NEGR1: variants seen among roughly 807,000 people sequenced by gnomAD.
The protein encoded by NEGR1 is neuronal growth regulator 1.
A neutral mutation model predicts 40.9 loss-of-function variants in NEGR1; 10 were observed. That is an observed-to-expected ratio of 0.24 (90% CI 0.15 to 0.42). The LOEUF (loss-of-function observed/expected upper bound fraction) is 0.42. Ranked by LOEUF, NEGR1 falls within the 10% of genes least tolerant of loss-of-function variation. The probability of loss-of-function intolerance (pLI) is 1.00; values close to 1 mark genes in which losing one functional copy is unlikely to be tolerated. For synonymous variants in NEGR1, 185 were observed against 166.8 expected, an observed-to-expected ratio of 1.11 and a Z score of -0.84; for missense variants, 352 against 438.9, an observed-to-expected ratio of 0.80 and a Z score of 1.77.
chr1:71,896,956 A>C (rs1351906549), intron 2 of NEGR1, among the ~76,000 whole-genome samples: 5 of 152,144 alleles, frequency 3.3e-5, no homozygotes, highest in African/African-American at 9.7e-5. Flanking sequence ...CTGGCTAAAG[A>C]TGACAATGTA....
rs144500509 is a variant in NEGR1 at position 71,755,381 on chromosome 1, C to A, written c.535+20791G>T. ...TCTCTGCAACTCGTTCTCTACATAG[C>A]ACTAAAAACATCTTCTAAAAATTAA... On this transcript the variant is annotated intron_variant, in intron 3 of 6. Transcript: ENST00000357731. Among the ~76,000 whole-genome samples the A allele has an allele frequency of 1.8e-3, 278 of 152,282 alleles. 2 individuals are homozygous for A. The highest frequency in any genetic ancestry group is 6.5e-3 in the African/African-American group (269 of 41,556).
intron 6 of NEGR1, among the ~76,000 whole-genome samples, chr1:71,519,652 C>T (rs1647139771): frequency 1.6e-5 from 2 of 127,422 alleles, no homozygotes; most frequent in Non-Finnish European, 3.2e-5. Context: ...GTGGGTGCAG[C>T]GCACCAGCAT....
intron 1 of NEGR1, among the ~76,000 whole-genome samples, chr1:72,227,292 G>T (rs1180418870): frequency 6.6e-6 from 1 of 151,834 alleles, no homozygotes; most frequent in Non-Finnish European, 1.5e-5. Flanking sequence ...GTAGGGAAAG[G>T]AGTTTAAAAT....
chr1:71,837,423 G>A (rs939892298), intron 2 of NEGR1, among the ~76,000 whole-genome samples: 5 of 152,066 alleles, frequency 3.3e-5, no homozygotes, highest in African/African-American at 1.2e-4. Context: ...TGCTTTTAGT[G>A]TGAAAATAAC....
intron 2 of NEGR1, among the ~76,000 whole-genome samples, chr1:71,847,352 A>G (rs533457106): frequency 6.6e-6 from 1 of 152,160 alleles, no homozygotes; most frequent in Non-Finnish European, 1.5e-5. Context: ...CAGATAATGC[A>G]TTTGTTACAA....
At chr1:71,958,011 T>A (rs1341962104) in intron 1 of NEGR1, among the ~76,000 whole-genome samples, 3 of 152,178 alleles carry the variant, frequency 2.0e-5, no homozygotes, top group Non-Finnish European at 4.4e-5. Flanking sequence ...ACCTCCACCA[T>A]CCTTTAATGT....
chr1:71,558,868 C>T (rs1247194034), intron 6 of NEGR1, among the ~76,000 whole-genome samples: 4 of 150,512 alleles, frequency 2.7e-5, no homozygotes, highest in South Asian at 2.1e-4. Flanking sequence ...GTAATAGAGA[C>T]CAAGTTCTGG....
chr1:71,857,562 G>C (rs893437149), intron 2 of NEGR1, among the ~76,000 whole-genome samples: 5 of 142,352 alleles, frequency 3.5e-5, no homozygotes, highest in Non-Finnish European at 6.0e-5. Flanking sequence ...CAGGAAGTCA[G>C]GTTGCAGTGA....
intron 2 of NEGR1, among the ~76,000 whole-genome samples, chr1:71,841,393 G>A (rs1659232350): frequency 1.3e-5 from 2 of 151,980 alleles, no homozygotes; most frequent in Non-Finnish European, 2.9e-5. Context: ...AATTAAATTC[G>A]ATTTACTAGT....
chr1:71,585,688 CTTT>C (rs563536438), intron 6 of NEGR1, among the ~76,000 whole-genome samples: 7 of 112,588 alleles, frequency 6.2e-5, no homozygotes, highest in Non-Finnish European at 5.5e-5. Flanking sequence ...ACCTCTCCAT[CTTT>C]TTTTTTTTTT....
intron 1 of NEGR1, among the ~76,000 whole-genome samples, chr1:72,134,174 T>C (rs559729673): frequency 1.7e-4 from 26 of 151,992 alleles, no homozygotes; most frequent in African/African-American, 6.0e-4. Flanking sequence ...TCAGTGTCAA[T>C]GATGATGATT....
chr1:71,928,003 AAAAT>A (rs1338435575), intron 2 of NEGR1, among the ~76,000 whole-genome samples: 24 of 128,384 alleles, frequency 1.9e-4, no homozygotes, highest in South Asian at 1.4e-3. Context: ...GTCTCAGGAA[AAAAT>A]AAATAAATAA....
chr1:72,158,898 G>C (rs779847580), intron 1 of NEGR1, among the ~76,000 whole-genome samples: 2 of 152,048 alleles, frequency 1.3e-5, no homozygotes, highest in African/African-American at 4.8e-5. Flanking sequence ...TTAACATTTT[G>C]TAAGAAGAAT....
intron 4 of NEGR1, among the ~76,000 whole-genome samples, chr1:71,675,142 A>ATATATATATAT (rs1652582384): frequency 2.7e-4 from 2 of 7,322 alleles, no homozygotes; most frequent in African/African-American, 4.5e-4. Flanking sequence ...CACACATATG[A>ATATATATATAT]ATTCTTAGAA....
At chr1:71,496,436 G>A (rs558861022) in intron 6 of NEGR1, among the ~76,000 whole-genome samples, 1 of 152,258 alleles carries the variant, frequency 6.6e-6, no homozygotes, top group African/African-American at 2.4e-5. Context: ...GGTAAAAAAA[G>A]GGGATAGAAA....
At chr1:71,944,251 G>C (rs1343194894) in intron 1 of NEGR1, among the ~76,000 whole-genome samples, 1 of 152,122 alleles carries the variant, frequency 6.6e-6, no homozygotes, top group Non-Finnish European at 1.5e-5. Context: ...GAGATACAAA[G>C]ATAATGAAAA....
chr1:72,078,250 C>T (rs1647835212), intron 1 of NEGR1, among the ~76,000 whole-genome samples: 1 of 152,076 alleles, frequency 6.6e-6, no homozygotes, highest in South Asian at 2.1e-4. Flanking sequence ...ATGTAAACAT[C>T]AAACCAGAAA....
chr1:71,575,680 G>A (rs1290520250), intron 6 of NEGR1, among the ~76,000 whole-genome samples: 1 of 152,186 alleles, frequency 6.6e-6, no homozygotes, highest in South Asian at 2.1e-4. Context: ...CTACTCGGGA[G>A]GCCGAGGCAG....
chr1:72,278,494 G>A (rs571166714), intron 1 of NEGR1, among the ~76,000 whole-genome samples: 15 of 152,044 alleles, frequency 9.9e-5, no homozygotes, highest in Non-Finnish European at 1.6e-4. Flanking sequence ...TTACATAACA[G>A]TATTTGTTAA....
Sources: allele counts gnomAD v4.1 joint callset (sites outside exome capture counted in the v4.1 genomes callset), GRCh38; gene constraint gnomAD v4.1.1; transcripts MANE v1.5; gene names NCBI Gene and HGNC (gene_info 2026-07-23, HGNC 2026-07-21).